CDK14: variants seen among roughly 807,000 people sequenced by gnomAD.
CDK14 encodes the protein cyclin dependent kinase 14, also known as cyclin-dependent kinase 14.
In CDK14, 34 loss-of-function variants were observed where a neutral mutation model predicts 60.7. That is an observed-to-expected ratio of 0.56 (90% CI 0.43 to 0.75). The LOEUF is 0.75. Among genes scored for constraint, CDK14 ranks in the 30% least tolerant of loss-of-function variants. CDK14 has a pLI of 0.00. For missense variants in CDK14, 482 were observed against 564.1 expected, an observed-to-expected ratio of 0.85 and a Z score of 1.47; for synonymous variants, 197 against 203.7, an observed-to-expected ratio of 0.97 and a Z score of 0.28.
At chr7:91,120,887 C>A (rs142154981) in intron 14 of CDK14, among the ~76,000 whole-genome samples, 8 of 152,164 alleles carry the variant, frequency 5.3e-5, no homozygotes, top group Admixed American at 1.3e-4. Flanking sequence ...CATCCAAATG[C>A]CTCAGCATGA....
chr7:90,740,165 C>G (rs532011981), intron 3 of CDK14, among the ~76,000 whole-genome samples: 12 of 151,232 alleles, frequency 7.9e-5, no homozygotes, highest in Admixed American at 2.6e-4. Flanking sequence ...CTCCTCCCTT[C>G]TTCTCCTCCG....
At chr7:90,644,089 C>G (rs1406640885) in intron 2 of CDK14, among the ~76,000 whole-genome samples, 3 of 152,196 alleles carry the variant, frequency 2.0e-5, no homozygotes, top group Non-Finnish European at 4.4e-5. Flanking sequence ...ACAGAGAACT[C>G]TCTCTCCCTC....
chr7:90,852,384 A>G (rs7809531), intron 5 of CDK14, among the ~76,000 whole-genome samples: 55,963 of 152,098 alleles, frequency 0.37, 10,638 homozygotes, highest in South Asian at 0.42. Context: ...AACACTTGCG[A>G]TAAGTCACTC....
At chr7:90,747,839 G>A (rs1237855685) in intron 4 of CDK14, 64 bp downstream of exon 4, 1 of 624,946 alleles carries the variant, frequency 1.6e-6, no homozygotes, top group African/African-American at 2.0e-5. Context: ...TTACTAAATA[G>A]CATTTTATTT....
chr7:90,678,276 G>C (rs912393602), intron 2 of CDK14, among the ~76,000 whole-genome samples: 1 of 152,174 alleles, frequency 6.6e-6, no homozygotes, highest in Non-Finnish European at 1.5e-5. Context: ...GGAGAGAGTG[G>C]AAGTGCTTTA....
At chr7:91,201,260 C>T (rs897315753) in intron 14 of CDK14, among the ~76,000 whole-genome samples, 2 of 152,020 alleles carry the variant, frequency 1.3e-5, no homozygotes, top group African/African-American at 4.8e-5. Context: ...AGGTAGCTTT[C>T]TTTCTGTCAA....
intron 2 of CDK14, among the ~76,000 whole-genome samples, chr7:90,621,667 TCCTG>T (rs1305904021): frequency 2.3e-3 from 323 of 140,498 alleles, no homozygotes; most frequent in African/African-American, 5.1e-3. Context: ...CTTCCTTCCT[TCCTG>T]CCTTCCTGCC....
chr7:91,171,045 A>C (rs936942698), intron 14 of CDK14, among the ~76,000 whole-genome samples: 1 of 151,924 alleles, frequency 6.6e-6, no homozygotes, highest in African/African-American at 2.4e-5. Context: ...CATCAATCCA[A>C]TTTTTAAAAA....
At chr7:90,720,619 AAAG>A (rs1472028072) in intron 2 of CDK14, among the ~76,000 whole-genome samples, 41 of 152,332 alleles carry the variant, frequency 2.7e-4, no homozygotes, top group African/African-American at 9.4e-4. Context: ...ACTTTTAAAC[AAAG>A]AAGACATATG....
chr7:90,839,212 G>C (rs978660426), intron 5 of CDK14, among the ~76,000 whole-genome samples: 2 of 152,166 alleles, frequency 1.3e-5, no homozygotes, highest in Non-Finnish European at 2.9e-5. Context: ...CAGAGATCTT[G>C]TTCCAGGCAT....
intron 3 of CDK14, among the ~76,000 whole-genome samples, chr7:90,731,014 T>G (rs1357364364): frequency 1.3e-5 from 2 of 152,244 alleles, no homozygotes; most frequent in Non-Finnish European, 2.9e-5. Context: ...ATAACCCATC[T>G]TGAGTTAATT....
intron 2 of CDK14, among the ~76,000 whole-genome samples, chr7:90,675,340 A>G (rs1353053288): frequency 1.3e-5 from 2 of 152,106 alleles, no homozygotes; most frequent in African/African-American, 2.4e-5. Flanking sequence ...TTTTGCTTTC[A>G]AACTTCTTAA....
intron 8 of CDK14, among the ~76,000 whole-genome samples, chr7:90,953,005 C>G (rs542272323): frequency 4.6e-5 from 7 of 152,082 alleles, no homozygotes; most frequent in African/African-American, 1.7e-4. Flanking sequence ...TTTGTTCATT[C>G]TTTTCTTTCT....
intron 5 of CDK14, among the ~76,000 whole-genome samples, chr7:90,829,895 C>T (rs765943120): frequency 6.6e-6 from 1 of 152,206 alleles, no homozygotes; most frequent in African/African-American, 2.4e-5. Context: ...CCAGGGCACT[C>T]TCATGCAAAG....
At chr7:90,743,568 C>T (rs1803442788) in intron 3 of CDK14, among the ~76,000 whole-genome samples, 1 of 152,074 alleles carries the variant, frequency 6.6e-6, no homozygotes. Context: ...TAGTTACTTG[C>T]TTGCTCTGTC....
intron 14 of CDK14, among the ~76,000 whole-genome samples, chr7:91,202,315 C>T (rs1221394032): frequency 1.3e-5 from 2 of 152,122 alleles, no homozygotes; most frequent in Non-Finnish European, 2.9e-5. Flanking sequence ...TTGTTTAAAA[C>T]ATTCATTTCT....
chr7:91,203,781 T>TCTC, intron 14 of CDK14, among the ~76,000 whole-genome samples: 1 of 152,104 alleles, frequency 6.6e-6, no homozygotes, highest in South Asian at 2.1e-4. Context: ...GATAGTGGGG[T>TCTC]TGAGGATTGG....
intron 10 of CDK14, among the ~76,000 whole-genome samples, chr7:91,017,649 G>C (rs1222793022): frequency 6.6e-6 from 1 of 152,170 alleles, no homozygotes; most frequent in Admixed American, 6.5e-5. Context: ...ATAGGTGTTT[G>C]TGTTTGACAT....
At chr7:90,644,086 ACT>A (rs1386091608) in intron 2 of CDK14, among the ~76,000 whole-genome samples, 2 of 152,032 alleles carry the variant, frequency 1.3e-5, no homozygotes, top group Non-Finnish European at 2.9e-5. Context: ...ATAACAGAGA[ACT>A]CTCTCTCCCT....
Sources: gnomAD v4.1 joint callset for allele counts (sites outside exome capture counted in the v4.1 genomes callset) on GRCh38, gnomAD v4.1.1 for gene constraint, MANE v1.5 for transcripts, NCBI Gene and HGNC (gene_info 2026-07-23, HGNC 2026-07-21) for gene names.